OPCML: variants seen among roughly 807,000 people sequenced by gnomAD.
OPCML encodes the protein opioid binding protein/cell adhesion molecule like, also known as opioid-binding protein/cell adhesion molecule.
A neutral mutation model predicts 37.8 loss-of-function variants in OPCML; 13 were observed. The ratio of observed to expected loss-of-function variants is 0.34; its 90% CI spans 0.22 to 0.55. The LOEUF (loss-of-function observed/expected upper bound fraction) is 0.55, where lower values mean the gene tolerates loss of function less well. OPCML is among the 20% of genes least tolerant of loss of function. OPCML has a pLI of 0.91. For missense variants in OPCML, 341 were observed against 435.6 expected, an observed-to-expected ratio of 0.78 and a Z score of 1.93; for synonymous variants, 176 against 168.8, an observed-to-expected ratio of 1.04 and a Z score of -0.33.
At chr11:133,364,528 G>A (rs1239324159) in intron 1 of OPCML, among the ~76,000 whole-genome samples, 1 of 152,134 alleles carries the variant, frequency 6.6e-6, no homozygotes, top group East Asian at 1.9e-4. Flanking sequence ...GCAAATTTCA[G>A]TTCTTACAGT....
chr11:133,017,828 G>A (rs1280253478), intron 1 of OPCML, among the ~76,000 whole-genome samples: 1 of 152,220 alleles, frequency 6.6e-6, no homozygotes, highest in African/African-American at 2.4e-5. Context: ...ACACACTCTA[G>A]GAGTGATCAA....
chr11:132,984,614 C>T (rs1852844051), intron 1 of OPCML, among the ~76,000 whole-genome samples: 1 of 152,184 alleles, frequency 6.6e-6, no homozygotes, highest in South Asian at 2.1e-4. Flanking sequence ...GTCCCAGAAC[C>T]TTGTCCAGTA....
At chr11:133,164,908 C>CCTGAG (rs1267115982) in intron 1 of OPCML, among the ~76,000 whole-genome samples, 1 of 152,104 alleles carries the variant, frequency 6.6e-6, no homozygotes, top group Non-Finnish European at 1.5e-5. Context: ...TGAAACTGTC[C>CCTGAG]CTGAGGGGAG....
intron 3 of OPCML, among the ~76,000 whole-genome samples, chr11:132,613,412 C>A (rs903455760): frequency 2.6e-5 from 4 of 152,220 alleles, no homozygotes; most frequent in African/African-American, 9.6e-5. Context: ...GTTGCAAGAA[C>A]TGCATAAACT....
chr11:132,438,712 G>A (rs972968358), intron 4 of OPCML, among the ~76,000 whole-genome samples: 2 of 151,932 alleles, frequency 1.3e-5, no homozygotes, highest in Admixed American at 6.5e-5. Context: ...GGTGTAGGGT[G>A]TGCAGCAGGA....
At position 132,923,095 on chromosome 11, in the gene OPCML, T is replaced by TAAATAAATA. The variant is rs11440384; in HGVS notation, c.146+19830_146+19831insTATTTATTT. Among the ~76,000 whole-genome samples the TAAATAAATA allele has an allele frequency of 1.3e-3, 185 of 144,044 alleles. 1 individual carries two copies. Among genetic ancestry groups the TAAATAAATA allele is most frequent in the Non-Finnish European group, 2.2e-3 (142 of 66,040 alleles). The allele number at this position is 144,044 out of a possible 152,430, so 94.5% of individuals were successfully genotyped here. A position where few individuals can be genotyped will look rare whatever the true frequency, so the allele number is the denominator to read the frequency against. The stretch of plus-strand genomic sequence containing the variant: ...TCTCAGAAAAAAATAAATAAATAAA[T>TAAATAAATA]AATAATAATAATAATAATATGGCCG... On this transcript the variant is annotated intron_variant, in intron 2 of 7. Transcript: ENST00000524381.
At chr11:133,326,688 T>C (rs1943469259) in intron 1 of OPCML, among the ~76,000 whole-genome samples, 2 of 94,552 alleles carry the variant, frequency 2.1e-5, no homozygotes, top group Admixed American at 2.3e-4. Context: ...GGGGTGTGAG[T>C]ATGGGTGTGT....
chr11:132,615,983 A>G (rs1188292854), intron 3 of OPCML, among the ~76,000 whole-genome samples: 1 of 152,218 alleles, frequency 6.6e-6, no homozygotes, highest in East Asian at 1.9e-4. Context: ...AATCTAGGCT[A>G]CACTTGAAGA....
intron 1 of OPCML, among the ~76,000 whole-genome samples, chr11:133,350,297 G>A (rs1263862699): frequency 6.6e-6 from 1 of 152,168 alleles, no homozygotes. Context: ...CTGGTGACAG[G>A]TCTATAGTTT....
At chr11:133,350,096 A>G (rs6421616) in intron 1 of OPCML, among the ~76,000 whole-genome samples, 91,652 of 152,050 alleles carry the variant, frequency 0.6, 27,985 homozygotes, top group African/African-American at 0.67. Context: ...TGTTTTGATG[A>G]CTTAATTTCT....
intron 2 of OPCML, among the ~76,000 whole-genome samples, chr11:132,793,058 G>A (rs981900092): frequency 1.3e-5 from 2 of 152,118 alleles, no homozygotes; most frequent in Non-Finnish European, 2.9e-5. Flanking sequence ...GGGGACTATC[G>A]ACTGGGGTCC....
intron 3 of OPCML, among the ~76,000 whole-genome samples, chr11:132,531,142 T>A (rs1316872263): frequency 6.6e-6 from 1 of 152,206 alleles, no homozygotes; most frequent in Non-Finnish European, 1.5e-5. Flanking sequence ...TACTCCTCAG[T>A]GTAAATCACA....
At chr11:133,527,650 T>C in intron 1 of OPCML, among the ~76,000 whole-genome samples, 1 of 152,210 alleles carries the variant, frequency 6.6e-6, no homozygotes, top group East Asian at 1.9e-4. Context: ...AGGATGAGTT[T>C]TTTTATAATA....
At chr11:132,560,960 C>T (rs1464062854) in intron 3 of OPCML, among the ~76,000 whole-genome samples, 2 of 152,044 alleles carry the variant, frequency 1.3e-5, no homozygotes, top group East Asian at 1.9e-4. Context: ...TTGCATTTGC[C>T]TTTGGGTTCT....
At position 132,943,405 on chromosome 11, in the gene OPCML, G is replaced by A; in HGVS notation, c.62-395C>T. The stretch of plus-strand genomic sequence containing the variant: ...GAAGAAGCAAGGTGCGGGGATGAAG[G>A]TCACAGATTGCGCTTTCTCTGCCTC... On this transcript the variant is annotated intron_variant, in intron 1 of 7. Coordinates refer to ENST00000524381, the MANE Select transcript of OPCML (RefSeq NM_001012393.5). The surrounding 1 kb of genome is among the most constrained non-coding windows in gnomAD (Gnocchi z 4.3). 2.4e-6 allele frequency: 1 copy of A among 425,394 alleles called. No individual in the cohort carries two copies. The highest frequency in any genetic ancestry group is 3.3e-5 in the South Asian group (1 of 30,120). The allele number at this position is 425,394 out of a possible 1,614,324, so 26.4% of individuals were successfully genotyped here. A position where few individuals can be genotyped will look rare whatever the true frequency, so the allele number is the denominator to read the frequency against.
At chr11:132,710,857 AAAAG>A (rs943161704) in intron 2 of OPCML, among the ~76,000 whole-genome samples, 2 of 152,198 alleles carry the variant, frequency 1.3e-5, no homozygotes, top group Admixed American at 6.5e-5. Flanking sequence ...TCCAACTCAA[AAAAG>A]AAAGAAAGAA....
intron 2 of OPCML, among the ~76,000 whole-genome samples, chr11:132,884,286 G>C (rs1415640810): frequency 6.6e-6 from 1 of 152,212 alleles, no homozygotes; most frequent in Admixed American, 6.5e-5. Flanking sequence ...GGAAGAGACA[G>C]TGAGGTGCCT....
At chr11:132,551,162 C>T (rs1051029062) in intron 3 of OPCML, among the ~76,000 whole-genome samples, 3 of 152,204 alleles carry the variant, frequency 2.0e-5, no homozygotes, top group Admixed American at 6.5e-5. Context: ...GAACCAAGGG[C>T]CACCCCAGCA....
intron 4 of OPCML, among the ~76,000 whole-genome samples, chr11:132,496,007 C>A (rs1398468681): frequency 6.6e-6 from 1 of 152,038 alleles, no homozygotes; most frequent in Non-Finnish European, 1.5e-5. Flanking sequence ...GAAGTAGCAT[C>A]ATAAAAATCA....
Sources: allele counts gnomAD v4.1 joint callset (sites outside exome capture counted in the v4.1 genomes callset), GRCh38; gene constraint gnomAD v4.1.1; non-coding constraint Gnocchi (gnomAD v3.1); transcripts MANE v1.5; gene names NCBI Gene and HGNC (gene_info 2026-07-23, HGNC 2026-07-21).